Variants in SCN1A observed in about 807,000 individuals in gnomAD.
SCN1A encodes sodium voltage-gated channel alpha subunit 1, also known as sodium channel protein type 1 subunit alpha.
In SCN1A, 13 loss-of-function variants were observed where a neutral mutation model predicts 193.7. The observed-to-expected ratio is 0.07, with a 90% CI of 0.04 to 0.11. The LOEUF (loss-of-function observed/expected upper bound fraction) is 0.11, where lower values mean the gene tolerates loss of function less well. Ranked by LOEUF, SCN1A falls within the 10% of genes least tolerant of loss-of-function variation. SCN1A has a pLI of 1.00. For synonymous variants in SCN1A, 781 were observed against 843.6 expected (o/e 0.93, Z 1.29); for missense variants, 1,432 against 2,451.1 (o/e 0.58, Z 8.78).
In SCN1A at chr2:166,036,173, A is replaced by G; in HGVS notation, c.3304T>C (p.Tyr1102His). 1.2e-6 allele frequency: 2 copies of G among 1,613,982 alleles called. No homozygotes were observed. Among genetic ancestry groups the G allele is most frequent in the South Asian group, 2.2e-5 (2 of 91,080 alleles). The change falls in exon 19 of 29, where the codon TAC (tyrosine) becomes CAC (histidine). Residue 1102 changes from tyrosine (Y) to histidine (H), a missense_variant. By Grantham distance (83) the Tyr-to-His change is moderately conservative. Coordinates refer to ENST00000674923, the MANE Select transcript of SCN1A (RefSeq NM_001165963.4). ...CTGGGGTTGTTTATGAATGACATGTAATCACTTTCATCAATAATGTATTTT... is the reference window on the plus strand; with the variant it reads ...CTGGGGTTGTTTATGAATGACATGTGATCACTTTCATCAATAATGTATTTT... ...VEKYIIDESDYMSFINNPSLT... is the reference protein window; with the variant it reads ...VEKYIIDESDHMSFINNPSLT...
chr2:166,063,867 C>T (rs1295808508), intron 4 of SCN1A, among the ~76,000 whole-genome samples: 1 of 151,930 alleles, frequency 6.6e-6, no homozygotes, highest in Non-Finnish European at 1.5e-5. Context: ...TATGGAGTTA[C>T]ACTTACATAT....
At chr2:166,045,446 A>T in intron 12 of SCN1A, 119 bp from the exon 13 acceptor site, 1 of 1,153,102 alleles carries the variant, frequency 8.7e-7, no homozygotes, top group African/African-American at 1.5e-5. Context: ...AGATCATCTC[A>T]CAGAGAAGAT....
rs115078524 is a variant in SCN1A, at chr2:166,083,244, A to G, written c.-141-5443T>C. 5.2e-3 allele frequency among the ~76,000 whole-genome samples: 788 copies of G among 152,192 alleles called. 6 individuals are homozygous for G. The highest frequency in any genetic ancestry group is 0.018 in the African/African-American group (761 of 41,540). On this transcript the variant is annotated intron_variant, in intron 2 of 28. Coordinates refer to ENST00000674923, the MANE Select transcript of SCN1A (RefSeq NM_001165963.4). ...TTGATTTCTCAATAAGCCAATTTTT[A>G]GTAGGTTGGGGTTAACTAAAACAAC...
intron 5 of SCN1A, 96 bp from the exon 6 acceptor site, chr2:166,056,596 A>G: frequency 1.2e-6 from 1 of 832,696 alleles, no homozygotes; most frequent in Non-Finnish European, 2.1e-6. Context: ...CAGCTTAGCC[A>G]AAATTCAGGG....
chr2:166,004,690 C>T (rs1420000053), intron 23 of SCN1A, among the ~76,000 whole-genome samples: 3 of 151,482 alleles, frequency 2.0e-5, no homozygotes, highest in East Asian at 3.9e-4. Context: ...CTTCCCTGGT[C>T]ATCTATACTT....
Position 166,101,400 on chromosome 2 carries a change from C to A in SCN1A, c.-141-23599G>T, listed in dbSNP as rs1326308011. 2.7e-5 allele frequency among the ~76,000 whole-genome samples: 4 copies of A among 147,448 alleles called. No homozygotes were observed. In the East Asian group the frequency reaches 8.2e-4, roughly 30 times the overall value. On this transcript the variant is annotated intron_variant, in intron 2 of 28. Coordinates refer to ENST00000674923, the MANE Select transcript of SCN1A (RefSeq NM_001165963.4). The stretch of plus-strand genomic sequence containing the variant: ...GGGAGGGATAGCATTGGGAGATATA[C>A]CTAATGCTGGATGACGAGTTAGTGG...
intron 19 of SCN1A, among the ~76,000 whole-genome samples, chr2:166,030,719 A>G (rs543447096): frequency 1.9e-4 from 29 of 152,184 alleles, no homozygotes; most frequent in African/African-American, 6.7e-4. Flanking sequence ...ATTTGCTCAT[A>G]GTAGAGTTAA....
upstream of SCN1A, among the ~76,000 whole-genome samples, chr2:166,130,586 C>CT (rs775061761): frequency 1.3e-4 from 20 of 152,288 alleles, no homozygotes; most frequent in Admixed American, 1.0e-3. Context: ...AGATAGAATT[C>CT]TTTTTTCTTT....
intron 3 of SCN1A, among the ~76,000 whole-genome samples, chr2:166,076,736 A>C (rs952854251): frequency 6.6e-6 from 1 of 151,926 alleles, no homozygotes; most frequent in Admixed American, 6.6e-5. Flanking sequence ...GAAGGCCCAC[A>C]TAATTACAGC....
At chr2:166,124,619 G>T (rs1193309749) in intron 2 of SCN1A, among the ~76,000 whole-genome samples, 1 of 152,128 alleles carries the variant, frequency 6.6e-6, no homozygotes, top group Non-Finnish European at 1.5e-5. Context: ...ACTGTTTTTG[G>T]AATTTTGGCA....
chr2:166,002,379 ACTTTTT>A (rs1024799626), intron 24 of SCN1A, 87 bp downstream of exon 24: 10 of 1,284,902 alleles, frequency 7.8e-6, no homozygotes, highest in Admixed American at 7.1e-5. Context: ...AGAAATATAT[ACTTTTT>A]CTTAGGAACT....
intron 2 of SCN1A, among the ~76,000 whole-genome samples, chr2:166,094,515 C>G (rs576493156): frequency 1.4e-4 from 21 of 152,222 alleles, no homozygotes; most frequent in African/African-American, 5.1e-4. Flanking sequence ...CTGAATGTTG[C>G]ACTCCAAAAT....
intron 2 of SCN1A, among the ~76,000 whole-genome samples, chr2:166,085,678 T>C (rs1686036355): frequency 6.6e-6 from 1 of 151,924 alleles, no homozygotes; most frequent in Non-Finnish European, 1.5e-5. Context: ...GGGGAATGAG[T>C]ATCAGGTGTT....
chr2:166,083,344 A>G (rs1339500462), intron 2 of SCN1A, among the ~76,000 whole-genome samples: 1 of 152,096 alleles, frequency 6.6e-6, no homozygotes, highest in Non-Finnish European at 1.5e-5. Flanking sequence ...TTCATGCCTT[A>G]TGCAAACTGC....
intron 2 of SCN1A, among the ~76,000 whole-genome samples, chr2:166,095,773 C>G (rs917748653): frequency 1.9e-4 from 29 of 152,306 alleles, no homozygotes; most frequent in African/African-American, 6.0e-4. Context: ...CCTATTTATA[C>G]ATTCCTCAGA....
intron 2 of SCN1A, among the ~76,000 whole-genome samples, chr2:166,083,420 T>C (rs1272186943): frequency 6.6e-6 from 1 of 152,062 alleles, no homozygotes; most frequent in Non-Finnish European, 1.5e-5. Context: ...AGGGGTGTTT[T>C]TCAAGACACC....
chr2:166,026,313 T>G (rs1422324596), intron 19 of SCN1A, among the ~76,000 whole-genome samples: 1 of 152,154 alleles, frequency 6.6e-6, no homozygotes, highest in Non-Finnish European at 1.5e-5. Flanking sequence ...AATATATTCT[T>G]ATAACGGTTG....
At chr2:166,071,589 A>G (rs1013067655) in intron 4 of SCN1A, 2 of 151,966 alleles carry the variant, frequency 1.3e-5, no homozygotes, top group African/African-American at 4.8e-5. Context: ...TGTTTAAAAA[A>G]AAAAAAAAAG....
At chr2:166,025,687 T>C (rs1039305848) in intron 19 of SCN1A, among the ~76,000 whole-genome samples, 14 of 152,202 alleles carry the variant, frequency 9.2e-5, no homozygotes, top group Non-Finnish European at 1.6e-4. Context: ...TGATTTTTTT[T>C]TCCTAAGAAC....
Sources: allele counts gnomAD v4.1 joint callset (sites outside exome capture counted in the v4.1 genomes callset), GRCh38; gene constraint gnomAD v4.1.1; transcripts MANE v1.5; gene names NCBI Gene and HGNC (gene_info 2026-07-23, HGNC 2026-07-21).